ATAD2: variants seen among roughly 807,000 people sequenced by gnomAD.
ATAD2 encodes ATPase family AAA domain-containing protein 2.
A neutral mutation model predicts 168.9 loss-of-function variants in ATAD2; 62 were observed. The observed-to-expected ratio is 0.37, with a 90% confidence interval of 0.30 to 0.45. The LOEUF (loss-of-function observed/expected upper bound fraction) is 0.45. Ranked by LOEUF, ATAD2 falls within the 20% of genes least tolerant of loss-of-function variation. ATAD2 has a pLI of 1.00. For missense variants in ATAD2, 1,419 were observed against 1,667.8 expected, an observed-to-expected ratio of 0.85 and a Z score of 2.60; for synonymous variants, 613 against 571.6, an observed-to-expected ratio of 1.07 and a Z score of -1.03.
At chr8:123,397,246 A>G, upstream of ATAD2, among the ~76,000 whole-genome samples, 1 of 150,918 alleles carries the variant, frequency 6.6e-6, no homozygotes, top group Middle Eastern at 3.2e-3. Context: ...GTCTCAAAAA[A>G]AAAAAAAAAA....
At chr8:123,374,148 C>T (rs1423332312) in intron 2 of ATAD2, among the ~76,000 whole-genome samples, 6 of 152,148 alleles carry the variant, frequency 3.9e-5, no homozygotes, top group Non-Finnish European at 7.3e-5. Context: ...CAAGACCAGC[C>T]TGGCCAACAT....
At chr8:123,351,960 G>C (rs956610924) in intron 13 of ATAD2, among the ~76,000 whole-genome samples, 1 of 152,116 alleles carries the variant, frequency 6.6e-6, no homozygotes, top group African/African-American at 2.4e-5. Context: ...GTGTTAGCCA[G>C]GATGGTCTCG....
chr8:123,409,792 C>T lies in ATAD2; in HGVS notation c.-2282+6456G>A, dbSNP rs76884810. 0.023 allele frequency among the ~76,000 whole-genome samples: 3,563 copies of T among 151,826 alleles called. 222 individuals are homozygous for T. In the East Asian group the frequency reaches 0.24, roughly 10 times the overall value. ...TTGTACTAAAAATACAAAAATTAGC[C>T]GGGTGTCGTGGCACACATCTGTAGT... On this transcript the variant is annotated intron_variant, in intron 1 of 28. Transcript: ENST00000521903.
Position 123,356,238 on chromosome 8 carries a change from T to A in ATAD2, c.1646+151A>T, listed in dbSNP as rs111326662. On this transcript the variant is annotated intron_variant, in intron 13 of 27. Transcript: ENST00000287394. ...AGCCACTGCAACCATCCACATTTTT[T>A]ATTTTTGTACTATATACTGGGGTTC... The A allele has an allele frequency of 3.4e-3, 1,586 of 471,988 alleles. 22 individuals are homozygous for A. The highest frequency in any genetic ancestry group is 0.025 in the African/African-American group (1,243 of 49,720). The allele number at this position is 471,988 out of a possible 1,614,324, so 29.2% of individuals were successfully genotyped here.
chr8:123,387,507 G>GTAT (rs1459935323), intron 1 of ATAD2, among the ~76,000 whole-genome samples: 1 of 151,996 alleles, frequency 6.6e-6, no homozygotes, highest in African/African-American at 2.4e-5. Flanking sequence ...ATTTTCACAT[G>GTAT]TATTACCAGA....
At chr8:123,350,362 AC>A (rs1462806001) in intron 13 of ATAD2, among the ~76,000 whole-genome samples, 2 of 152,202 alleles carry the variant, frequency 1.3e-5, no homozygotes, top group Non-Finnish European at 2.9e-5. Flanking sequence ...TTTCTAAGAG[AC>A]AAGGACTTAC....
chr8:123,356,572 G>A, intron 12 of ATAD2, 95 bp from the exon 13 acceptor site: 3 of 740,438 alleles, frequency 4.1e-6, no homozygotes, highest in South Asian at 5.0e-5. Context: ...ATTCAAATAT[G>A]CTTAACAGAA....
At chr8:123,410,880 G>A (rs989750778) in intron 1 of ATAD2, among the ~76,000 whole-genome samples, 2 of 152,210 alleles carry the variant, frequency 1.3e-5, no homozygotes, top group Non-Finnish European at 2.9e-5. Context: ...GCTCTGGATC[G>A]GGCTAAAGGC....
chr8:123,323,092 TG>T, intron 26 of ATAD2, 26 bp from the exon 27 acceptor site: 1 of 1,589,956 alleles, frequency 6.3e-7, no homozygotes, highest in Non-Finnish European at 8.6e-7. Flanking sequence ...AGTGTCAATA[TG>T]TGTGAGAGAG....
chr8:123,361,421 A>G, intron 9 of ATAD2, 118 bp downstream of exon 9: 1 of 682,564 alleles, frequency 1.5e-6, no homozygotes, highest in South Asian at 1.9e-5. Context: ...TTATACATTA[A>G]CCTGTTGTGC....
chr8:123,351,857 A>C (rs1391496468), intron 13 of ATAD2, among the ~76,000 whole-genome samples: 1 of 149,348 alleles, frequency 6.7e-6, no homozygotes, highest in East Asian at 2.0e-4. Flanking sequence ...GTGCCATTCT[A>C]CTGCCTCCAC....
At chr8:123,392,911 G>A (rs970641004) in intron 1 of ATAD2, among the ~76,000 whole-genome samples, 10 of 152,132 alleles carry the variant, frequency 6.6e-5, no homozygotes, top group South Asian at 4.1e-4. Flanking sequence ...TTTGCTGGGC[G>A]CGGTGGCTCA....
intron 24 of ATAD2, among the ~76,000 whole-genome samples, chr8:123,331,956 G>A (rs1827785357): frequency 6.6e-6 from 1 of 152,204 alleles, no homozygotes; most frequent in East Asian, 1.9e-4. Flanking sequence ...ATTTTATGCA[G>A]TTGTGATTTA....
chr8:123,383,823 C>T (rs570658551), intron 1 of ATAD2, among the ~76,000 whole-genome samples: 1 of 151,144 alleles, frequency 6.6e-6, no homozygotes, highest in East Asian at 1.9e-4. Context: ...GTAGCTCACG[C>T]CTGTAATCCC....
Position 123,359,659 on chromosome 8 carries a change from T to C in ATAD2, c.1184A>G (p.Asp395Gly). ...NRCLPLNFRK[D>G]ELKGIYKDRM... ...ATCTTTATAAATGCCTTTTAATTCATCTTTCCGAAAATTTAGTGGGAGGCA... is the reference window on the plus strand; with the variant it reads ...ATCTTTATAAATGCCTTTTAATTCACCTTTCCGAAAATTTAGTGGGAGGCA... The change falls in exon 10 of 28, where the codon GAT (aspartate) becomes GGT (glycine). Residue 395 changes from aspartate to glycine, a missense_variant. By Grantham distance (94) the Asp-to-Gly change is moderately conservative (BLOSUM62 -1). Around this residue, in one of 5 missense-constraint regions of ATAD2, gnomAD observed 146 missense variants for 188.3 expected, o/e 0.78. Transcript: ENST00000287394. The C allele has an allele frequency of 2.5e-6, 4 of 1,612,992 alleles. No homozygotes were observed. Among genetic ancestry groups the C allele is most frequent in the South Asian group, 1.1e-5 (1 of 90,646 alleles).
chr8:123,395,867 G>A (rs189292248), intron 1 of ATAD2, among the ~76,000 whole-genome samples: 4,288 of 152,298 alleles, frequency 0.028, 91 homozygotes, highest in Non-Finnish European at 0.046. Context: ...CGATCGGCCA[G>A]GGAGTGGGGG....
intron 9 of ATAD2, 66 bp downstream of exon 9, chr8:123,361,471 TTC>T (rs1242332817): frequency 9.8e-6 from 13 of 1,321,436 alleles, no homozygotes; most frequent in African/African-American, 8.7e-5. Context: ...ACCCAAATTA[TTC>T]TGTTTTCTTA....
chr8:123,329,488 C>T lies in ATAD2; in HGVS notation c.3479-909G>A, dbSNP rs570279019. On this transcript the variant is annotated intron_variant, in intron 24 of 27. Coordinates refer to ENST00000287394, the MANE Select transcript of ATAD2 (RefSeq NM_014109.4). ...TAAAATTTAATTTAACCTGGCTGGG[C>T]GCGGTGGCTCACGCCTGTAGTCCCA... Among the ~76,000 whole-genome samples, 12 of 152,096 alleles carry T rather than the reference C, an allele frequency of 7.9e-5. No homozygotes were observed. The South Asian group carries it at 1.5e-3, about 18-fold the overall frequency.
intron 6 of ATAD2, among the ~76,000 whole-genome samples, chr8:123,370,392 A>G (rs1829115981): frequency 6.6e-6 from 1 of 152,094 alleles, no homozygotes; most frequent in Non-Finnish European, 1.5e-5. Flanking sequence ...CAAGTTTTCA[A>G]ATTTCCTCAT....
Sources: allele counts gnomAD v4.1 joint callset (sites outside exome capture counted in the v4.1 genomes callset), GRCh38; gene constraint gnomAD v4.1.1; regional missense constraint gnomAD v4.1.1; transcripts MANE v1.5; gene names NCBI Gene and HGNC (gene_info 2026-07-23, HGNC 2026-07-21).